The following ATF7IP variants were observed in gnomAD, a reference collection of about 807,000 sequenced individuals.
ATF7IP encodes the protein activating transcription factor 7 interacting protein.
A neutral mutation model predicts 106.4 loss-of-function variants in ATF7IP; 23 were observed. The ratio of observed to expected loss-of-function variants is 0.22; its 90% CI spans 0.16 to 0.31. The LOEUF (loss-of-function observed/expected upper bound fraction) is 0.31. Among genes scored for constraint, ATF7IP ranks in the 10% least tolerant of loss-of-function variants. The pLI, the probability that ATF7IP is intolerant of heterozygous loss-of-function variation, is 1.00. For missense variants in ATF7IP, 1,334 were observed against 1,524.3 expected (o/e 0.88, Z 2.08); for synonymous variants, 542 against 539.0 (o/e 1.01, Z -0.08).
intron 1 of ATF7IP, among the ~76,000 whole-genome samples, chr12:14,372,746 TACTA>T (rs909057506): frequency 6.6e-6 from 1 of 152,146 alleles, no homozygotes; most frequent in African/African-American, 2.4e-5. Context: ...CATAATGTCT[TACTA>T]TATATGATCC....
rs138777933 is a variant in ATF7IP, at chr12:14,472,694, C to T, written c.2863-3196C>T. Among the ~76,000 whole-genome samples the T allele has an allele frequency of 5.0e-4, 76 of 152,260 alleles. No individual in the cohort carries two copies. The South Asian group carries it at 0.011, about 22-fold the overall frequency. On this transcript the variant is annotated intron_variant, in intron 10 of 14. Transcript: ENST00000261168. ...ATGCTTTTGATTTTCCTCTACATCTCTTCTTGGGAGATCTCATTCACTCCT... is the reference window on the plus strand; with the variant it reads ...ATGCTTTTGATTTTCCTCTACATCTTTTCTTGGGAGATCTCATTCACTCCT...
chr12:14,401,839 G>A (rs996277628), intron 1 of ATF7IP, among the ~76,000 whole-genome samples: 4 of 148,306 alleles, frequency 2.7e-5, no homozygotes, highest in East Asian at 2.0e-4. Context: ...TCAGCCTCCC[G>A]AGTAGCTGGG....
chr12:14,438,822 C>G (rs891783414), intron 5 of ATF7IP, among the ~76,000 whole-genome samples: 92 of 152,192 alleles, frequency 6.0e-4, no homozygotes, highest in African/African-American at 2.2e-3. Flanking sequence ...AATATGTGAA[C>G]TTTTAGGGGA....
intron 10 of ATF7IP, among the ~76,000 whole-genome samples, chr12:14,475,056 G>A (rs972731873): frequency 4.6e-5 from 7 of 152,066 alleles, no homozygotes; most frequent in East Asian, 1.9e-4. Flanking sequence ...CTTGAGTATC[G>A]CAGATGAAAA....
At chr12:14,478,621 C>A in intron 12 of ATF7IP, 149 bp downstream of exon 12, 1 of 804,546 alleles carries the variant, frequency 1.2e-6, no homozygotes, top group Non-Finnish European at 1.9e-6. Flanking sequence ...GGCAGTATAA[C>A]TTAGTTTTTC....
rs867768014 is a variant in ATF7IP at position 14,501,000 on chromosome 12, G to C, written c.*2927G>C. ...TCCTCAAATTAGCCTACCATGGCAC[G>C]TAGGGGCAGCAGCTATATTAGATTT... On this transcript the variant is annotated 3_prime_UTR_variant, in exon 15 of 15. Transcript: ENST00000261168. 6.6e-6 allele frequency: 1 copy of C among 152,172 alleles called. No homozygotes were observed. Among genetic ancestry groups the C allele is most frequent in the Non-Finnish European group, 1.5e-5 (1 of 68,022 alleles). The allele number at this position is 152,172 out of a possible 1,614,324, so 9.4% of individuals were successfully genotyped here.
chr12:14,473,817 T>C (rs1944151367), intron 10 of ATF7IP, among the ~76,000 whole-genome samples: 1 of 151,982 alleles, frequency 6.6e-6, no homozygotes, highest in Non-Finnish European at 1.5e-5. Flanking sequence ...TTTTTTTTTT[T>C]TTAAATTATC....
chr12:14,422,656 T>C (rs1254809580), intron 1 of ATF7IP, among the ~76,000 whole-genome samples: 1 of 152,232 alleles, frequency 6.6e-6, no homozygotes, highest in African/African-American at 2.4e-5. Flanking sequence ...ATTCAGTATG[T>C]GGCCTTTTGT....
intron 2 of ATF7IP, among the ~76,000 whole-genome samples, chr12:14,428,513 G>A (rs915218363): frequency 3.3e-5 from 5 of 152,060 alleles, no homozygotes; most frequent in Admixed American, 6.5e-5. Flanking sequence ...TTTATATGGC[G>A]ACAGAATCTG....
intron 5 of ATF7IP, among the ~76,000 whole-genome samples, chr12:14,445,470 A>G (rs930461450): frequency 1.3e-5 from 2 of 151,502 alleles, no homozygotes; most frequent in African/African-American, 4.9e-5. Context: ...GATTACAGGC[A>G]TGAGCCACTG....
chr12:14,398,941 T>C (rs1043957669), intron 1 of ATF7IP, among the ~76,000 whole-genome samples: 5 of 152,134 alleles, frequency 3.3e-5, no homozygotes, highest in African/African-American at 9.6e-5. Flanking sequence ...ATTTTTGTTG[T>C]TTTACACGCT....
chr12:14,399,772 T>C (rs192419392), intron 1 of ATF7IP, among the ~76,000 whole-genome samples: 2 of 152,364 alleles, frequency 1.3e-5, no homozygotes, highest in East Asian at 3.9e-4. Flanking sequence ...TTTATTCTCC[T>C]ACTAATTAGC....
intron 8 of ATF7IP, among the ~76,000 whole-genome samples, chr12:14,458,631 G>A (rs1209866656): frequency 3.9e-5 from 6 of 152,052 alleles, no homozygotes; most frequent in African/African-American, 9.7e-5. Flanking sequence ...CGGGCCTGCC[G>A]GGGCAACATA....
chr12:14,419,828 A>G (rs574553786), intron 1 of ATF7IP: 3 of 152,188 alleles, frequency 2.0e-5, no homozygotes, highest in Non-Finnish European at 4.4e-5. Context: ...GTTTAAATGA[A>G]GAGTAATTTT....
At chr12:14,493,817 G>T (rs777058644) in intron 13 of ATF7IP, among the ~76,000 whole-genome samples, 1 of 152,106 alleles carries the variant, frequency 6.6e-6, no homozygotes. Context: ...TCTCTCTACA[G>T]GAGATAAGAC....
Position 14,460,541 on chromosome 12 carries a change from A to G in ATF7IP, c.2205A>G (p.Gln735=), listed in dbSNP as rs745997374. 8 of 1,614,004 alleles carry G rather than the reference A, an allele frequency of 5.0e-6. No individual in the cohort carries two copies. In the Admixed American group the frequency reaches 1.2e-4, roughly 24 times the overall value. Residue 735 remains glutamine (Q), a synonymous_variant, in exon 9 of 15, where the codon CAA becomes CAG. Transcript: ENST00000261168. ...CTCCTCCAGCAGTTGTCAGTAGTCA[A>G]CCTAAATTGCAGACTCCAGTGACTT... is the stretch of plus-strand genomic sequence containing the variant. ...LVTPPAVVSS[Q]PKLQTPVTSG...
Position 14,417,085 on chromosome 12 carries a change from T to C in ATF7IP, c.-7-6824T>C, listed in dbSNP as rs1388853349. 5 of 254,722 alleles carry C rather than the reference T, an allele frequency of 2.0e-5. No individual in the cohort carries two copies. The East Asian group carries it at 5.3e-4, about 27-fold the overall frequency. The allele number at this position is 254,722 out of a possible 1,614,324, so 15.8% of individuals were successfully genotyped here. On this transcript the variant is annotated intron_variant, in intron 1 of 14. Coordinates refer to ENST00000261168, the MANE Select transcript of ATF7IP (RefSeq NM_018179.5). ...TCTGATAACAAATTTTCCATTTTTA[T>C]TTTATAATCCTATATTTAAAGAACT...
At chr12:14,377,116 T>G (rs939905125) in intron 1 of ATF7IP, among the ~76,000 whole-genome samples, 5 of 151,700 alleles carry the variant, frequency 3.3e-5, no homozygotes, top group African/African-American at 1.2e-4. Flanking sequence ...TGCTTCAGCC[T>G]TCCGAGTAGC....
At chr12:14,490,004 C>T (rs143913297) in intron 13 of ATF7IP, among the ~76,000 whole-genome samples, 2 of 152,208 alleles carry the variant, frequency 1.3e-5, no homozygotes, top group African/African-American at 4.8e-5. Flanking sequence ...GCTAGCTGAT[C>T]ACCCCGAGGA....
Sources: allele counts gnomAD v4.1 joint callset (sites outside exome capture counted in the v4.1 genomes callset), GRCh38; gene constraint gnomAD v4.1.1; transcripts MANE v1.5; gene names NCBI Gene and HGNC (gene_info 2026-07-23, HGNC 2026-07-21).